Variants in LARGE1 observed in about 807,000 individuals in gnomAD.
The protein encoded by LARGE1 is LARGE xylosyl- and glucuronyltransferase 1.
A neutral mutation model predicts 87.6 loss-of-function variants in LARGE1; 43 were observed. The observed-to-expected ratio is 0.49, with a 90% CI of 0.38 to 0.63. The LOEUF (loss-of-function observed/expected upper bound fraction) is 0.63, where lower values mean the gene tolerates loss of function less well. Ranked by LOEUF, LARGE1 falls within the 30% of genes least tolerant of loss-of-function variation. LARGE1 has a pLI of 0.00. For synonymous variants in LARGE1, 434 were observed against 394.6 expected (o/e 1.10, Z -1.18); for missense variants, 802 against 1,000.2 (o/e 0.80, Z 2.67).
At chr22:33,578,964 G>A (rs770962747) in intron 5 of LARGE1, among the ~76,000 whole-genome samples, 8 of 152,202 alleles carry the variant, frequency 5.3e-5, no homozygotes, top group Non-Finnish European at 1.2e-4. Context: ...AGGACTGCAA[G>A]TGGCCAGTAA....
chr22:33,843,707 G>A (rs2063348028), intron 1 of LARGE1, among the ~76,000 whole-genome samples: 1 of 151,992 alleles, frequency 6.6e-6, no homozygotes, highest in Non-Finnish European at 1.5e-5. Flanking sequence ...AGGTTTGAGT[G>A]CAGTAAAAGA....
rs543817357 is a variant in LARGE1, at chr22:33,629,407, T to C, written c.409-3081A>G. ...TTAAATGTAAGCACAAGCATGCACATTCTTGAACATTTTACATAATTTTCC... is the reference window on the plus strand; with the variant it reads ...TTAAATGTAAGCACAAGCATGCACACTCTTGAACATTTTACATAATTTTCC... On this transcript the variant is annotated intron_variant, in intron 3 of 14. Transcript: ENST00000397394. 5.3e-5 allele frequency among the ~76,000 whole-genome samples: 8 copies of C among 152,300 alleles called. 1 individual carries two copies. In the South Asian group the frequency reaches 1.7e-3, roughly 32 times the overall value.
the LARGE1 span, among the ~76,000 whole-genome samples, chr22:33,104,921 T>TTC: frequency 2.2e-5 from 2 of 90,710 alleles, no homozygotes; most frequent in African/African-American, 3.3e-5. Context: ...CTTTCTTTCT[T>TTC]TCTTTCTTTC....
intron 10 of LARGE1, chr22:33,322,917 TC>T (rs1396274016): frequency 9.1e-4 from 139 of 152,250 alleles, no homozygotes; most frequent in Non-Finnish European, 3.7e-4. Context: ...GGTCAGGAGA[TC>T]GAGACCATTC....
chr22:33,260,549 CA>C (rs2145745359), intron 11 of LARGE1, among the ~76,000 whole-genome samples: 1 of 149,100 alleles, frequency 6.7e-6, no homozygotes, highest in African/African-American at 2.5e-5. Flanking sequence ...GCGTCTATTT[CA>C]TAGGGTTTGC....
intron 4 of LARGE1, among the ~76,000 whole-genome samples, chr22:33,605,559 C>A (rs546897515): frequency 6.6e-6 from 1 of 152,088 alleles, no homozygotes; most frequent in South Asian, 2.1e-4. Context: ...GTGCAAAATA[C>A]GGCACATCAA....
intron 13 of LARGE1, among the ~76,000 whole-genome samples, chr22:33,280,315 C>CAAAAAA (rs58680121): frequency 1.6e-4 from 11 of 67,332 alleles, no homozygotes; most frequent in African/African-American, 2.2e-4. Flanking sequence ...GGTAACTCCT[C>CAAAAAA]AAAAAAAAAA....
intron 2 of LARGE1, among the ~76,000 whole-genome samples, chr22:33,702,816 T>C (rs2082439207): frequency 6.6e-6 from 1 of 152,142 alleles, no homozygotes; most frequent in South Asian, 2.1e-4. Flanking sequence ...ACTAGATGTG[T>C]AGGCTCAAGA....
At chr22:33,437,805 TAGAAG>T (rs2067325430) in intron 6 of LARGE1, among the ~76,000 whole-genome samples, 1 of 152,200 alleles carries the variant, frequency 6.6e-6, no homozygotes, top group Non-Finnish European at 1.5e-5. Flanking sequence ...TGGGGGCAGC[TAGAAG>T]AGGAGACAGA....
the LARGE1 span, among the ~76,000 whole-genome samples, chr22:33,099,156 G>GT: frequency 3.9e-5 from 6 of 152,136 alleles, no homozygotes; most frequent in Non-Finnish European, 5.9e-5. Context: ...GAGGAAAAAG[G>GT]TTTTTTATCC....
At chr22:33,830,945 G>C (rs534568177) in intron 1 of LARGE1, among the ~76,000 whole-genome samples, 2 of 152,218 alleles carry the variant, frequency 1.3e-5, no homozygotes, top group Non-Finnish European at 2.9e-5. Flanking sequence ...CATGACCTAA[G>C]TGTCACCTAA....
At chr22:33,675,702 A>G (rs2081559021) in intron 2 of LARGE1, among the ~76,000 whole-genome samples, 1 of 152,150 alleles carries the variant, frequency 6.6e-6, no homozygotes, top group African/African-American at 2.4e-5. Flanking sequence ...GTCACCTGCC[A>G]AAGGAATTGT....
intron 2 of LARGE1, among the ~76,000 whole-genome samples, chr22:33,715,255 C>CA (rs1169023227): frequency 6.6e-6 from 1 of 152,192 alleles, no homozygotes. Flanking sequence ...TCACCACAGG[C>CA]GTTTCTCATG....
chr22:33,305,372 A>AAAT (rs1398366444), intron 11 of LARGE1, among the ~76,000 whole-genome samples: 70 of 151,874 alleles, frequency 4.6e-4, no homozygotes, highest in Admixed American at 2.1e-3. Flanking sequence ...AAAAAAAAAA[A>AAAT]AAAAGGTGTG....
In LARGE1 at chr22:33,277,185, G is replaced by A. The variant is rs1408447253; in HGVS notation, c.1948C>T (p.Arg650Trp). The change falls in exon 14 of 15, where the codon CGG (arginine) becomes TGG (tryptophan). Residue 650 changes from arginine (R) to tryptophan (W), a missense_variant. Coordinates refer to ENST00000397394, the MANE Select transcript of LARGE1 (RefSeq NM_133642.5). The stretch of plus-strand genomic sequence containing the variant: ...TCAAAATCGGCCTCCCACTCAACCC[G>A]GTAAGGCGTGGTGGCGGTCCGCCAC... ...AKWRTATTPYRVEWEADFEPY... is the reference protein window; with the variant it reads ...AKWRTATTPYWVEWEADFEPY... 1.4e-5 allele frequency: 22 copies of A among 1,614,240 alleles called. No homozygotes were observed. The highest frequency in any genetic ancestry group is 2.2e-5 in the South Asian group (2 of 91,082).
chr22:33,809,131 G>C (rs1042831009), intron 1 of LARGE1, among the ~76,000 whole-genome samples: 3 of 152,044 alleles, frequency 2.0e-5, no homozygotes, highest in African/African-American at 7.2e-5. Flanking sequence ...AATTAGCTGG[G>C]CGTGGTAGTG....
At chr22:33,165,669 G>A (rs1922231330) in exon 12 of LARGE1, 1 of 152,092 alleles carries the variant, frequency 6.6e-6, no homozygotes, top group African/African-American at 2.4e-5. Context: ...AGCCCAGCTG[G>A]GAAAACATCA....
intron 6 of LARGE1, among the ~76,000 whole-genome samples, chr22:33,545,398 T>A (rs1396368883): frequency 7.1e-6 from 1 of 140,524 alleles, no homozygotes; most frequent in African/African-American, 2.7e-5. Flanking sequence ...GGACTACAGG[T>A]GTGCACCACT....
intron 2 of LARGE1, among the ~76,000 whole-genome samples, chr22:33,695,425 A>C (rs1354958496): frequency 6.6e-6 from 1 of 152,190 alleles, no homozygotes; most frequent in Non-Finnish European, 1.5e-5. Flanking sequence ...ATGCAGATGA[A>C]GGAAGGTACC....
Sources: gnomAD v4.1 joint callset for allele counts (sites outside exome capture counted in the v4.1 genomes callset) on GRCh38, gnomAD v4.1.1 for gene constraint, MANE v1.5 for transcripts, NCBI Gene and HGNC (gene_info 2026-07-23, HGNC 2026-07-21) for gene names.